DLEU7: variants seen among roughly 807,000 people sequenced by gnomAD.
The protein encoded by DLEU7 is leukemia-associated protein 7.
In DLEU7, 17 loss-of-function variants were observed where a neutral mutation model predicts 16.0. The observed-to-expected ratio is 1.06, with a 90% confidence interval of 0.73 to 1.59. The LOEUF (loss-of-function observed/expected upper bound fraction) is 1.59. DLEU7 is among the 40% of genes most tolerant of loss of function. The probability of loss-of-function intolerance (pLI) is 0.00; values close to 1 mark genes in which losing one functional copy is unlikely to be tolerated. For synonymous variants in DLEU7, 113 were observed against 139.8 expected (o/e 0.81, Z 1.35); for missense variants, 308 against 314.9 (o/e 0.98, Z 0.17).
chr13:50,818,978 T>A (rs1029161263), downstream of DLEU7, among the ~76,000 whole-genome samples: 1 of 152,190 alleles, frequency 6.6e-6, no homozygotes, highest in African/African-American at 2.4e-5. Flanking sequence ...TAAGGTAATA[T>A]TCACTTTATT....
At chr13:50,752,939 CT>C (rs1874621273) in intron 1 of DLEU7, among the ~76,000 whole-genome samples, 1 of 152,142 alleles carries the variant, frequency 6.6e-6, no homozygotes, top group East Asian at 1.9e-4. Context: ...GCCAAGGGGT[CT>C]GTTTTGACAG....
chr13:50,784,595 G>A (rs139398806), intron 1 of DLEU7, among the ~76,000 whole-genome samples: 16 of 152,288 alleles, frequency 1.1e-4, no homozygotes, highest in Non-Finnish European at 2.1e-4. Flanking sequence ...CATTTTCTAT[G>A]GGCACAAATG....
chr13:50,721,490 G>A (rs1873613239), intron 1 of DLEU7, among the ~76,000 whole-genome samples: 4 of 151,730 alleles, frequency 2.6e-5, no homozygotes, highest in African/African-American at 9.7e-5. Context: ...AAATGCAAGT[G>A]ATAAACTGGG....
At chr13:50,821,005 C>A (rs1404088735), downstream of DLEU7, among the ~76,000 whole-genome samples, 2 of 152,050 alleles carry the variant, frequency 1.3e-5, no homozygotes, top group Admixed American at 6.6e-5. Flanking sequence ...ATTTTAAGTG[C>A]TCAGTAGCCA....
rs575107710 is a variant in DLEU7, at chr13:50,749,787, G to A, written c.460-36547C>T. ...CTTTAGCTCACTTTTGGATGGGATTGTTTGTTTTATTTCTTACTGATTTGA... is the reference window on the plus strand; with the variant it reads ...CTTTAGCTCACTTTTGGATGGGATTATTTGTTTTATTTCTTACTGATTTGA... On this transcript the variant is annotated intron_variant, in intron 1 of 1. Transcript: ENST00000400393. Among the ~76,000 whole-genome samples, 7 of 152,162 alleles carry A rather than the reference G, an allele frequency of 4.6e-5. No homozygotes were observed. In the East Asian group the frequency reaches 9.7e-4, roughly 21 times the overall value.
chr13:50,752,436 G>A (rs1874597524), intron 1 of DLEU7, among the ~76,000 whole-genome samples: 1 of 152,032 alleles, frequency 6.6e-6, no homozygotes, highest in African/African-American at 2.4e-5. Context: ...GTTTTGATAG[G>A]TTGTGTTGTG....
intron 1 of DLEU7, among the ~76,000 whole-genome samples, chr13:50,815,698 T>C (rs544181755): frequency 4.6e-5 from 7 of 152,166 alleles, no homozygotes; most frequent in African/African-American, 1.2e-4. Flanking sequence ...GGCCCACTTA[T>C]GGTGCATGTG....
downstream of DLEU7, among the ~76,000 whole-genome samples, chr13:50,821,832 A>C (rs949920425): frequency 8.5e-5 from 13 of 152,262 alleles, no homozygotes; most frequent in Non-Finnish European, 1.9e-4. Flanking sequence ...AAAAGTACAG[A>C]GCTAATTTCC....
chr13:50,829,426 A>C (rs775533879), intron 1 of DLEU7, among the ~76,000 whole-genome samples: 29 of 152,248 alleles, frequency 1.9e-4, no homozygotes, highest in Non-Finnish European at 4.1e-4. Flanking sequence ...GTGTGCTGAC[A>C]TGTGCCTATT....
intron 1 of DLEU7, among the ~76,000 whole-genome samples, chr13:50,721,799 G>T (rs1376191161): frequency 6.6e-6 from 1 of 152,166 alleles, no homozygotes; most frequent in Admixed American, 6.5e-5. Context: ...AGTGTGGAAG[G>T]CAGTGCATTT....
intron 1 of DLEU7, among the ~76,000 whole-genome samples, chr13:50,715,188 C>T (rs1308290387): frequency 2.6e-5 from 4 of 152,166 alleles, no homozygotes; most frequent in African/African-American, 2.4e-5. Context: ...ATCCTTCTCA[C>T]GAGGCCTCAT....
chr13:50,718,494 A>G lies in DLEU7; in HGVS notation c.460-5254T>C, dbSNP rs7328949. 7.1e-3 allele frequency among the ~76,000 whole-genome samples: 1,078 copies of G among 152,338 alleles called. 57 individuals carry two copies. The East Asian group carries it at 0.14, about 20-fold the overall frequency. On this transcript the variant is annotated intron_variant, in intron 1 of 1. Transcript: ENST00000400393. Reference sequence around the variant, plus strand: ...TATTGGCTGGAGAAGGAATCTACTAACTAGTGAGGTACCAACAGAATGGAG... The same window carrying G: ...TATTGGCTGGAGAAGGAATCTACTAGCTAGTGAGGTACCAACAGAATGGAG...
chr13:50,739,554 G>A (rs553696716), intron 1 of DLEU7, among the ~76,000 whole-genome samples: 2 of 152,272 alleles, frequency 1.3e-5, no homozygotes, highest in South Asian at 2.1e-4. Flanking sequence ...ATGGGTGTTA[G>A]GTACTTTCTG....
At chr13:50,719,348 C>T (rs575670712) in intron 1 of DLEU7, among the ~76,000 whole-genome samples, 1 of 152,116 alleles carries the variant, frequency 6.6e-6, no homozygotes, top group African/African-American at 2.4e-5. Flanking sequence ...TTATATGGAA[C>T]AAAAGTCTTA....
intron 1 of DLEU7, among the ~76,000 whole-genome samples, chr13:50,790,588 G>T (rs1201918613): frequency 6.6e-6 from 1 of 152,140 alleles, no homozygotes; most frequent in Non-Finnish European, 1.5e-5. Flanking sequence ...CACACTGGTG[G>T]AAAGGAGGCA....
chr13:50,736,259 C>A (rs915329977), intron 1 of DLEU7, among the ~76,000 whole-genome samples: 1 of 151,976 alleles, frequency 6.6e-6, no homozygotes, highest in African/African-American at 2.4e-5. Context: ...GAACAGAAAA[C>A]CAAATACCAT....
At chr13:50,728,564 A>C (rs1873829406) in intron 1 of DLEU7, among the ~76,000 whole-genome samples, 1 of 151,844 alleles carries the variant, frequency 6.6e-6, no homozygotes, top group South Asian at 2.1e-4. Context: ...TTTTTTTTTC[A>C]GCGAGGTTAA....
intron 1 of DLEU7, among the ~76,000 whole-genome samples, chr13:50,773,153 A>G (rs936648635): frequency 2.0e-5 from 3 of 152,200 alleles, no homozygotes; most frequent in African/African-American, 4.8e-5. Context: ...TGTTTATTCT[A>G]GTTAGCCATT....
At chr13:50,731,899 G>A (rs528716769) in intron 1 of DLEU7, among the ~76,000 whole-genome samples, 14 of 152,130 alleles carry the variant, frequency 9.2e-5, no homozygotes, top group East Asian at 3.9e-4. Flanking sequence ...AAGTGAAATC[G>A]TTAAAAATCT....
Sources: allele counts gnomAD v4.1 joint callset (sites outside exome capture counted in the v4.1 genomes callset), GRCh38; gene constraint gnomAD v4.1.1; transcripts MANE v1.5; gene names NCBI Gene and HGNC (gene_info 2026-07-23, HGNC 2026-07-21).